Variants in ACTN4 observed in about 807,000 individuals in gnomAD.
ACTN4 encodes the protein alpha-actinin-4.
ACTN4 carries 18 observed loss-of-function variants against 114.2 expected under a neutral mutation model. That is an observed-to-expected ratio of 0.16 (90% CI 0.11 to 0.23). The LOEUF (loss-of-function observed/expected upper bound fraction) is 0.23. Among genes scored for constraint, ACTN4 ranks in the 10% least tolerant of loss-of-function variants. ACTN4 has a pLI of 1.00. For synonymous variants in ACTN4, 515 were observed against 506.3 expected (o/e 1.02, Z -0.23); for missense variants, 722 against 1,262.9 (o/e 0.57, Z 6.49).
At chr19:38,688,278 G>T (rs1038529383) in intron 1 of ACTN4, among the ~76,000 whole-genome samples, 5 of 151,452 alleles carry the variant, frequency 3.3e-5, no homozygotes, top group African/African-American at 1.2e-4. Context: ...GCCGGGTATG[G>T]TGGCTCATGC....
At chr19:38,692,790 A>G (rs535576666) in intron 1 of ACTN4, among the ~76,000 whole-genome samples, 7 of 151,918 alleles carry the variant, frequency 4.6e-5, no homozygotes, top group African/African-American at 1.7e-4. Context: ...AGCCCTGGAC[A>G]CCCTTCCCTA....
chr19:38,728,081 C>T, intron 19 of ACTN4, 55 bp downstream of exon 19: 5 of 1,548,762 alleles, frequency 3.2e-6, no homozygotes, highest in Non-Finnish European at 4.4e-6. Flanking sequence ...CTCTCTCTCT[C>T]TCCTTCTCTC....
rs866544664 is a variant in ACTN4 at position 38,665,323 on chromosome 19, T to C, written c.162+17416T>C. 2.0e-5 allele frequency among the ~76,000 whole-genome samples: 3 copies of C among 151,676 alleles called. No individual in the cohort carries two copies. The South Asian group carries it at 6.3e-4, about 32-fold the overall frequency. ...TGGCGGGGGTTAAGCCTCAGTGTCC[T>C]TCTTTGAAAAGGGGCATCATCCTAT... On this transcript the variant is annotated intron_variant, in intron 1 of 20. Transcript: ENST00000252699.
chr19:38,705,808 GC>G (rs1372861232), intron 4 of ACTN4, among the ~76,000 whole-genome samples: 1 of 152,208 alleles, frequency 6.6e-6, no homozygotes, highest in African/African-American at 2.4e-5. Context: ...TCTCCTCGGG[GC>G]CGTGAGGATT....
rs1976424972 is a variant in ACTN4, at chr19:38,647,713, G to A, written c.-33G>A. The A allele has an allele frequency of 6.5e-7, 1 of 1,528,138 alleles. No homozygotes were observed. Among genetic ancestry groups the A allele is most frequent in the Non-Finnish European group, 8.8e-7 (1 of 1,138,434 alleles). The allele number at this position is 1,528,138 out of a possible 1,614,324, so 94.7% of individuals were successfully genotyped here. On this transcript the variant is annotated 5_prime_UTR_variant, in exon 1 of 21. Transcript: ENST00000252699. ...GAGGGGCGGGAGCTGAGGCGGGAGC[G>A]GACAGGCTGGTGGGCGAGCGAGAGG...
At chr19:38,701,262 T>G (rs1329237998) in intron 3 of ACTN4, 141 bp downstream of exon 3, 1 of 1,400,946 alleles carries the variant, frequency 7.1e-7, no homozygotes. Context: ...TACTCAGCAG[T>G]GATCACAACA....
chr19:38,712,888 T>G (rs1968706340), intron 8 of ACTN4, among the ~76,000 whole-genome samples: 1 of 152,128 alleles, frequency 6.6e-6, no homozygotes, highest in Non-Finnish European at 1.5e-5. Flanking sequence ...GAGCAGGGAC[T>G]GGCAGGCAAG....
intron 3 of ACTN4, 127 bp downstream of exon 3, chr19:38,701,248 T>C: frequency 6.9e-7 from 1 of 1,453,474 alleles, no homozygotes; most frequent in South Asian, 1.3e-5. Flanking sequence ...AGAGCCCCAG[T>C]ACATACTCAG....
intron 3 of ACTN4, among the ~76,000 whole-genome samples, chr19:38,702,679 TG>T (rs1292073232): frequency 6.6e-6 from 1 of 152,174 alleles, no homozygotes; most frequent in Non-Finnish European, 1.5e-5. Context: ...TTTCTGGGTC[TG>T]GGGCTCTGAA....
At chr19:38,728,140 G>GCTCTCTTGC in intron 19 of ACTN4, 114 bp downstream of exon 19, 1 of 1,385,994 alleles carries the variant, frequency 7.2e-7, no homozygotes, top group Non-Finnish European at 1.0e-6. Context: ...CCATCTCATG[G>GCTCTCTTGC]CTCTCTTGCC....
At chr19:38,726,161 G>A (rs1969225886) in intron 17 of ACTN4, among the ~76,000 whole-genome samples, 1 of 151,998 alleles carries the variant, frequency 6.6e-6, no homozygotes, top group African/African-American at 2.4e-5. Flanking sequence ...GGTGGTGCAT[G>A]CCTATAGTCC....
Position 38,651,649 on chromosome 19 carries a change from TG to T in ACTN4, c.162+3743del, listed in dbSNP as rs1425905190. ...GGCTTTTTTTTTGGAGACGGAGTTT[TG>T]CTCTTGTTGCCCATGTGGCTGTATT... On this transcript the variant is annotated intron_variant, in intron 1 of 20. Coordinates refer to ENST00000252699, the MANE Select transcript of ACTN4 (RefSeq NM_004924.6). 4.6e-5 allele frequency among the ~76,000 whole-genome samples: 7 copies of T among 152,338 alleles called. No individual in the cohort carries two copies. In the East Asian group the frequency reaches 1.3e-3, roughly 29 times the overall value.
intron 7 of ACTN4, 61 bp downstream of exon 7, chr19:38,709,537 C>T: frequency 6.7e-7 from 1 of 1,491,374 alleles, no homozygotes; most frequent in Non-Finnish European, 9.4e-7. Context: ...CTGTCCAGGG[C>T]TGGCCTCGGG....
At chr19:38,668,699 GA>G (rs1213624047) in intron 1 of ACTN4, among the ~76,000 whole-genome samples, 3 of 149,542 alleles carry the variant, frequency 2.0e-5, no homozygotes, top group African/African-American at 7.4e-5. Context: ...AAAGAAAAAA[GA>G]AAAAAAGAAA....
rs141942003 is a variant in ACTN4 at position 38,715,162 on chromosome 19, C to T, written c.912+601C>T. Among the ~76,000 whole-genome samples, 34 of 152,328 alleles carry T rather than the reference C, an allele frequency of 2.2e-4. No individual in the cohort carries two copies. In the East Asian group the frequency reaches 6.2e-3, roughly 28 times the overall value. On this transcript the variant is annotated intron_variant, in intron 9 of 20. Coordinates refer to ENST00000252699, the MANE Select transcript of ACTN4 (RefSeq NM_004924.6). ...TTGGAAATAAGGGTGGTTAGTACAA[C>T]TCTTCTGGAGGCTCTTCATTTTTGA...
chr19:38,647,950 AGGGGGCCCG>A, intron 1 of ACTN4, 43 bp downstream of exon 1: 3 of 830,214 alleles, frequency 3.6e-6, no homozygotes, highest in Non-Finnish European at 4.4e-6. Flanking sequence ...GGCTTTTCTG[AGGGGGCCCG>A]GGGAGGGGTG....
intron 8 of ACTN4, among the ~76,000 whole-genome samples, chr19:38,713,233 C>T (rs1457280267): frequency 6.6e-6 from 1 of 152,238 alleles, no homozygotes; most frequent in East Asian, 1.9e-4. Context: ...TTTATTCACT[C>T]ACTCATTCAG....
intron 1 of ACTN4, among the ~76,000 whole-genome samples, chr19:38,687,759 G>A (rs191273505): frequency 9.2e-5 from 14 of 152,256 alleles, no homozygotes; most frequent in African/African-American, 2.6e-4. Flanking sequence ...AAACACAACC[G>A]AAGAAAAATA....
rs117392350 is a variant in ACTN4 at position 38,717,151 on chromosome 19, G to A, written c.978G>A (p.Gln326=). The part of the protein sequence containing the change: ...LEDRVPQKTI[Q]EMQQKLEDFR... The stretch of plus-strand genomic sequence containing the variant: ...ACCGTGTGCCCCAAAAGACTATCCA[G>A]GAGATGCAGCAGAAGCTGGAGGACT... The change falls in exon 10 of 21, where the codon CAG becomes CAA. Residue 326 remains glutamine (Q), a synonymous_variant. Coordinates refer to ENST00000252699, the MANE Select transcript of ACTN4 (RefSeq NM_004924.6). This position sits in a 1 kb window ranked among gnomAD's most constrained non-coding sequence, Gnocchi z 4.0. 1.5e-3 allele frequency: 2,498 copies of A among 1,614,252 alleles called. 75 individuals carry two copies. The Admixed American group carries it at 0.037, about 24-fold the overall frequency.
Sources: gnomAD v4.1 joint callset for allele counts (sites outside exome capture counted in the v4.1 genomes callset) on GRCh38, gnomAD v4.1.1 for gene constraint, Gnocchi (gnomAD v3.1) non-coding constraint, MANE v1.5 for transcripts, NCBI Gene and HGNC (gene_info 2026-07-23, HGNC 2026-07-21) for gene names.